The following CHD6 variants were observed in gnomAD, a reference collection of about 807,000 sequenced individuals.
The protein encoded by CHD6 is chromodomain helicase DNA binding protein 6, also known as ATP-dependent chromatin remodeler CHD6.
Under a neutral mutation model 276.9 loss-of-function variants are expected in CHD6, and 50 were observed. That is an observed-to-expected ratio of 0.18 (90% CI 0.14 to 0.23). The LOEUF is 0.23. CHD6 is among the 10% of genes least tolerant of loss of function. The pLI is 1.00. For missense variants in CHD6, 2,564 were observed against 3,365.8 expected (o/e 0.76, Z 5.89); for synonymous variants, 1,173 against 1,229.3 (o/e 0.95, Z 0.96).
intron 34 of CHD6, chr20:41,414,156 A>T (rs1174076448): frequency 6.6e-6 from 1 of 152,250 alleles, no homozygotes; most frequent in Non-Finnish European, 1.5e-5. Context: ...CAGGGAAAGA[A>T]CGTGTCACTT....
intron 1 of CHD6, among the ~76,000 whole-genome samples, chr20:41,575,352 G>A (rs2146216518): frequency 6.6e-6 from 1 of 152,084 alleles, no homozygotes; most frequent in South Asian, 2.1e-4. Flanking sequence ...CCAAGAACCT[G>A]GACACCCTCT....
chr20:41,492,326 C>A (rs2043575107), intron 10 of CHD6, among the ~76,000 whole-genome samples: 2 of 152,214 alleles, frequency 1.3e-5, no homozygotes, highest in Non-Finnish European at 2.9e-5. Flanking sequence ...AAACAAAACA[C>A]TATTAACTAT....
chr20:41,481,455 T>C (rs543515714), intron 16 of CHD6, among the ~76,000 whole-genome samples: 1 of 151,874 alleles, frequency 6.6e-6, no homozygotes, highest in East Asian at 1.9e-4. Flanking sequence ...AAATAACAAA[T>C]ATGAAAAAAT....
At chr20:41,417,665 G>C (rs542251420) in intron 31 of CHD6, among the ~76,000 whole-genome samples, 2 of 152,242 alleles carry the variant, frequency 1.3e-5, no homozygotes, top group African/African-American at 4.8e-5. Context: ...ACCACAAAGA[G>C]GCTTCTCACT....
intron 7 of CHD6, 131 bp downstream of exon 7, chr20:41,498,037 A>G: frequency 1.5e-6 from 1 of 658,260 alleles, no homozygotes; most frequent in African/African-American, 1.8e-5. Context: ...GGTAAACTTG[A>G]GTCAGCCAAG....
At chr20:41,569,130 C>T (rs952478448) in intron 1 of CHD6, among the ~76,000 whole-genome samples, 1 of 152,166 alleles carries the variant, frequency 6.6e-6, no homozygotes, top group African/African-American at 2.4e-5. Flanking sequence ...CTTGCAAAAG[C>T]AAACAGAAAG....
At chr20:41,458,317 A>G (rs1287453862) in intron 17 of CHD6, among the ~76,000 whole-genome samples, 1 of 152,254 alleles carries the variant, frequency 6.6e-6, no homozygotes, top group Non-Finnish European at 1.5e-5. Context: ...AAAGTGACCA[A>G]TGAAATTTTT....
Position 41,421,684 on chromosome 20 carries a change from T to C in CHD6, c.4951A>G (p.Thr1651Ala). Reference sequence around the variant, plus strand: ...GGTTCATTTTCAAGGGACTCTGAAGTCCTACTCATTTGAGAATATGTAAGA... The same window carrying C: ...GGTTCATTTTCAAGGGACTCTGAAGCCCTACTCATTTGAGAATATGTAAGA... ...ESLTYSQMSR[T>A]SESLENEPEN... Residue 1651 changes from threonine (T) to alanine (A), a missense_variant, in exon 31 of 37, where the codon ACT becomes GCT. Coordinates refer to ENST00000373233, the MANE Select transcript of CHD6 (RefSeq NM_032221.5). 1 of 1,613,820 alleles carries C rather than the reference T, an allele frequency of 6.2e-7. No individual in the cohort carries two copies. Among genetic ancestry groups the C allele is most frequent in the Non-Finnish European group, 8.5e-7 (1 of 1,179,766 alleles).
intron 1 of CHD6, among the ~76,000 whole-genome samples, chr20:41,610,466 A>G (rs1169079625): frequency 6.6e-6 from 1 of 152,184 alleles, no homozygotes; most frequent in South Asian, 2.1e-4. Flanking sequence ...TTCCCTTCAT[A>G]AAGTTAATTG....
chr20:41,527,183 A>G (rs1281235878), intron 3 of CHD6, among the ~76,000 whole-genome samples: 1 of 152,186 alleles, frequency 6.6e-6, no homozygotes, highest in African/African-American at 2.4e-5. Context: ...CATGCCTGTA[A>G]TCCCAGCACT....
Position 41,438,347 on chromosome 20 carries a change from A to G in CHD6, c.4008-1013T>C, listed in dbSNP as rs969438277. Among the ~76,000 whole-genome samples, 6 of 152,014 alleles carry G rather than the reference A, an allele frequency of 3.9e-5. No homozygotes were observed. In the East Asian group the frequency reaches 9.6e-4, roughly 24 times the overall value. ...GCTCACACCTGTAATCCCAGCCCTTAGGGAGGCTGAGGTGGGCGGATCACC... is the reference window on the plus strand; with the variant it reads ...GCTCACACCTGTAATCCCAGCCCTTGGGGAGGCTGAGGTGGGCGGATCACC... On this transcript the variant is annotated intron_variant, in intron 26 of 36. Transcript: ENST00000373233.
chr20:41,597,734 T>C (rs184375929), intron 1 of CHD6, among the ~76,000 whole-genome samples: 14 of 152,156 alleles, frequency 9.2e-5, no homozygotes, highest in African/African-American at 2.6e-4. Context: ...CTTTTTTTTT[T>C]CCTCTTCTCT....
At chr20:41,493,402 G>T in intron 10 of CHD6, 136 bp downstream of exon 10, 2 of 856,706 alleles carry the variant, frequency 2.3e-6, no homozygotes, top group Non-Finnish European at 3.7e-6. Context: ...ACACTGAATT[G>T]AGGGTTCAAT....
Position 41,425,325 on chromosome 20 carries a change from C to T in CHD6, c.4199G>A (p.Arg1400His), listed in dbSNP as rs1301348097. 15 of 1,614,086 alleles carry T rather than the reference C, an allele frequency of 9.3e-6. No individual in the cohort carries two copies. Among genetic ancestry groups the T allele is most frequent in the African/African-American group, 1.3e-5 (1 of 74,934 alleles). The change falls in exon 29 of 37, where the codon CGT (arginine) becomes CAT (histidine). Residue 1400 changes from arginine (R) to histidine (H), a missense_variant. Transcript: ENST00000373233. ...VSSALTARLR[R>H]LVTVYQRCNR... ...GCAGCGCTGGTAAACAGTGACCAGACGTCTGAGACGAGCTGTGAGGGCGGA... is the reference window on the plus strand; with the variant it reads ...GCAGCGCTGGTAAACAGTGACCAGATGTCTGAGACGAGCTGTGAGGGCGGA...
intron 1 of CHD6, among the ~76,000 whole-genome samples, chr20:41,555,700 C>T (rs1443757389): frequency 6.6e-6 from 1 of 150,838 alleles, no homozygotes; most frequent in South Asian, 2.1e-4. Flanking sequence ...GATGGGCAGC[C>T]GGGCAGAGAC....
At position 41,473,591 on chromosome 20, in the gene CHD6, A is replaced by G; in HGVS notation, c.2469-74T>C. 2 of 1,253,398 alleles carry G rather than the reference A, an allele frequency of 1.6e-6. No individual in the cohort carries two copies. The highest frequency in any genetic ancestry group is 2.3e-6 in the Non-Finnish European group (2 of 872,050). The allele number at this position is 1,253,398 out of a possible 1,614,324, so 77.6% of individuals were successfully genotyped here. A position where few individuals can be genotyped will look rare whatever the true frequency, so the allele number is the denominator to read the frequency against. ...ATGGAGAACAGCACAAAATGCAGGAAGCTGTCGACTGATGGCCTTAAATCC... is the reference window on the plus strand; with the variant it reads ...ATGGAGAACAGCACAAAATGCAGGAGGCTGTCGACTGATGGCCTTAAATCC... On this transcript the variant is annotated intron_variant, in intron 16 of 36. Transcript: ENST00000373233. This position sits in a 1 kb window ranked among gnomAD's most constrained non-coding sequence, Gnocchi z 4.1.
At chr20:41,450,180 A>G (rs1242798427) in intron 23 of CHD6, among the ~76,000 whole-genome samples, 20 of 152,226 alleles carry the variant, frequency 1.3e-4, no homozygotes, top group Non-Finnish European at 2.5e-4. Context: ...AGAAGATGTT[A>G]TAGGGAGACG....
At chr20:41,434,900 A>G (rs902726239) in intron 27 of CHD6, among the ~76,000 whole-genome samples, 7 of 152,358 alleles carry the variant, frequency 4.6e-5, no homozygotes, top group Admixed American at 1.3e-4. Flanking sequence ...GAAATACTGC[A>G]TCCAATAAAA....
In CHD6 at chr20:41,404,847, T is replaced by C. The variant is rs372231144; in HGVS notation, c.7894A>G (p.Met2632Val). 3.1e-6 allele frequency: 5 copies of C among 1,614,024 alleles called. No homozygotes were observed. The highest frequency in any genetic ancestry group is 1.3e-5 in the African/African-American group (1 of 75,016). ...TGCATGGCTGGCAGAGCCATGCCCA[T>C]ACCAGGGGAGAGGAACATGGATGGG... ...IYPSMFLSPG[M>V]GMALPAMQQA... Residue 2632 changes from methionine (M) to valine (V), a missense_variant, in exon 37 of 37, where the codon ATG (methionine) becomes GTG (valine). This residue lies in a region of CHD6 where 238 missense variants were observed against 266.0 expected (regional missense o/e 0.89). Transcript: ENST00000373233.
Sources: allele counts gnomAD v4.1 joint callset (sites outside exome capture counted in the v4.1 genomes callset), GRCh38; gene constraint gnomAD v4.1.1; regional missense constraint gnomAD v4.1.1; non-coding constraint Gnocchi (gnomAD v3.1); transcripts MANE v1.5; gene names NCBI Gene and HGNC (gene_info 2026-07-23, HGNC 2026-07-21).